The following B3GALT1 variants were observed in gnomAD, a reference collection of about 807,000 sequenced individuals.
The protein encoded by B3GALT1 is UDP-Gal:betaGlcNAc beta 1,3-galactosyltransferase, polypeptide 1.
In B3GALT1, 10 loss-of-function variants were observed where a neutral mutation model predicts 23.2. The ratio of observed to expected loss-of-function variants is 0.43; its 90% CI spans 0.27 to 0.73. The LOEUF is 0.73. Among genes scored for constraint, B3GALT1 ranks in the 30% least tolerant of loss-of-function variants. The pLI is 0.21. For missense variants in B3GALT1, 299 were observed against 405.4 expected (o/e 0.74, Z 2.25); for synonymous variants, 156 against 141.5 (o/e 1.10, Z -0.73).
chr2:167,850,905 A>G (rs928937596), intron 4 of B3GALT1, among the ~76,000 whole-genome samples: 1 of 152,186 alleles, frequency 6.6e-6, no homozygotes, highest in Non-Finnish European at 1.5e-5. Flanking sequence ...AATCTCACAA[A>G]TCACCACTAA....
chr2:167,344,655 G>A (rs1001357692), intron 1 of B3GALT1, among the ~76,000 whole-genome samples: 3 of 152,186 alleles, frequency 2.0e-5, no homozygotes, highest in Non-Finnish European at 4.4e-5. Flanking sequence ...CAAGGTAAGT[G>A]CTTCATTCTT....
At chr2:167,535,688 A>G (rs1228938011) in intron 2 of B3GALT1, among the ~76,000 whole-genome samples, 1 of 152,154 alleles carries the variant, frequency 6.6e-6, no homozygotes, top group Admixed American at 6.5e-5. Flanking sequence ...GCTGGCATTA[A>G]TTACATTTTC....
intron 2 of B3GALT1, among the ~76,000 whole-genome samples, chr2:167,509,928 CATTTGGAA>C (rs148667739): frequency 0.018 from 2,745 of 152,108 alleles, 35 homozygotes; most frequent in Non-Finnish European, 0.027. Context: ...AAGTTGAGAG[CATTTGGAA>C]AACAAAAGAA....
intron 4 of B3GALT1, among the ~76,000 whole-genome samples, chr2:167,835,144 C>T (rs535184740): frequency 6.6e-6 from 1 of 152,240 alleles, no homozygotes; most frequent in Non-Finnish European, 1.5e-5. Context: ...TCTGAGGTAC[C>T]GGGTTCATCT....
chr2:167,866,213 G>A (rs1385603488), intron 4 of B3GALT1, among the ~76,000 whole-genome samples: 1 of 152,180 alleles, frequency 6.6e-6, no homozygotes, highest in Non-Finnish European at 1.5e-5. Flanking sequence ...GTGGAGGAGT[G>A]AGATTCACGT....
intron 1 of B3GALT1, among the ~76,000 whole-genome samples, chr2:167,315,847 G>A (rs1696708323): frequency 6.6e-6 from 1 of 152,070 alleles, no homozygotes; most frequent in Non-Finnish European, 1.5e-5. Context: ...CACTTGGCTT[G>A]ATATAATAGG....
At chr2:167,809,723 CG>C (rs1558986590) in intron 3 of B3GALT1, among the ~76,000 whole-genome samples, 1 of 152,178 alleles carries the variant, frequency 6.6e-6, no homozygotes, top group Non-Finnish European at 1.5e-5. Context: ...TTAGGCTACT[CG>C]GGGGTCAGGG....
chr2:167,671,088 A>C (rs1686317871), intron 3 of B3GALT1, among the ~76,000 whole-genome samples: 1 of 152,220 alleles, frequency 6.6e-6, no homozygotes, highest in Non-Finnish European at 1.5e-5. Flanking sequence ...GACAAGACCA[A>C]GAAGGTCATC....
rs535436850 is a variant in B3GALT1, at chr2:167,503,777, C to T, written c.-410+13500C>T. Among the ~76,000 whole-genome samples, 21 of 152,274 alleles carry T rather than the reference C, an allele frequency of 1.4e-4. No homozygotes were observed. The South Asian group carries it at 4.4e-3, about 32-fold the overall frequency. On this transcript the variant is annotated intron_variant, in intron 2 of 4. Coordinates refer to ENST00000392690, the MANE Select transcript of B3GALT1 (RefSeq NM_020981.4). ...ATCACAGGAGGTCTCTAATGCCATT[C>T]CATATTCCTTGATGCCCATCCACTT...
At chr2:167,711,838 C>T (rs1210140633) in intron 3 of B3GALT1, among the ~76,000 whole-genome samples, 1 of 152,008 alleles carries the variant, frequency 6.6e-6, no homozygotes, top group Non-Finnish European at 1.5e-5. Flanking sequence ...TGTGGTGGCT[C>T]ACACCTGTGG....
intron 3 of B3GALT1, among the ~76,000 whole-genome samples, chr2:167,747,075 C>T (rs952397896): frequency 5.9e-5 from 9 of 152,064 alleles, no homozygotes; most frequent in African/African-American, 1.4e-4. Context: ...AGCATTGTGT[C>T]GACATTTTTC....
intron 1 of B3GALT1, among the ~76,000 whole-genome samples, chr2:167,410,562 A>G (rs1474361493): frequency 1.3e-5 from 2 of 151,702 alleles, no homozygotes; most frequent in Admixed American, 6.6e-5. Context: ...GGAGAGGAAT[A>G]TCACACACTG....
chr2:167,567,236 A>C (rs1684188617), intron 2 of B3GALT1, among the ~76,000 whole-genome samples: 1 of 152,212 alleles, frequency 6.6e-6, no homozygotes, highest in South Asian at 2.1e-4. Flanking sequence ...AAACTCAAAA[A>C]AATAAGAAAT....
intron 1 of B3GALT1, among the ~76,000 whole-genome samples, chr2:167,311,946 A>G (rs545181189): frequency 1.5e-4 from 23 of 152,146 alleles, no homozygotes; most frequent in African/African-American, 5.5e-4. Context: ...AAAATTTTCC[A>G]GAACTGTTTT....
At chr2:167,514,020 C>T (rs1236387221) in intron 2 of B3GALT1, among the ~76,000 whole-genome samples, 2 of 152,150 alleles carry the variant, frequency 1.3e-5, no homozygotes, top group African/African-American at 4.8e-5. Context: ...CATTCCCCTG[C>T]CTCAGCCTCC....
intron 3 of B3GALT1, among the ~76,000 whole-genome samples, chr2:167,750,782 G>A (rs531151556): frequency 6.6e-6 from 1 of 151,434 alleles, no homozygotes; most frequent in South Asian, 2.1e-4. Flanking sequence ...AACACTCAGG[G>A]ATCTTTAGAG....
chr2:167,656,469 C>A (rs1193623659), intron 3 of B3GALT1, among the ~76,000 whole-genome samples: 1 of 152,064 alleles, frequency 6.6e-6, no homozygotes, highest in Non-Finnish European at 1.5e-5. Flanking sequence ...ATTATTTTTA[C>A]AAAGTATTAA....
chr2:167,809,053 C>T (rs1410546128), intron 3 of B3GALT1, among the ~76,000 whole-genome samples: 1 of 152,178 alleles, frequency 6.6e-6, no homozygotes, highest in Admixed American at 6.5e-5. Context: ...ATCACTGATA[C>T]CCTTTCTTTC....
At chr2:167,433,671 A>G (rs1025213907) in intron 1 of B3GALT1, among the ~76,000 whole-genome samples, 1 of 152,236 alleles carries the variant, frequency 6.6e-6, no homozygotes, top group Non-Finnish European at 1.5e-5. Context: ...TTCAGAATGC[A>G]GATAATAGCA....
Sources: allele counts gnomAD v4.1 joint callset (sites outside exome capture counted in the v4.1 genomes callset), GRCh38; gene constraint gnomAD v4.1.1; transcripts MANE v1.5; gene names NCBI Gene and HGNC (gene_info 2026-07-23, HGNC 2026-07-21).